The following KCNB2 variants were observed in gnomAD, a reference collection of about 807,000 sequenced individuals.
KCNB2 encodes the protein potassium voltage-gated channel subfamily B member 2.
A neutral mutation model predicts 61.5 loss-of-function variants in KCNB2; 15 were observed. The observed-to-expected ratio is 0.24, with a 90% confidence interval of 0.16 to 0.38. The LOEUF (loss-of-function observed/expected upper bound fraction) is 0.38, where lower values mean the gene tolerates loss of function less well. Ranked by LOEUF, KCNB2 falls within the 10% of genes least tolerant of loss-of-function variation. The probability of loss-of-function intolerance (pLI) is 1.00; values close to 1 mark genes in which losing one functional copy is unlikely to be tolerated. For synonymous variants in KCNB2, 457 were observed against 446.0 expected (o/e 1.02, Z -0.31); for missense variants, 828 against 1,125.2 (o/e 0.74, Z 3.78).
chr8:72,873,653 G>A (rs77997251), intron 2 of KCNB2, among the ~76,000 whole-genome samples: 3,143 of 152,342 alleles, frequency 0.021, 113 homozygotes, highest in African/African-American at 0.071. Flanking sequence ...TGGCAAGAGA[G>A]TAAGACATAC....
rs76909403 is a variant in KCNB2, at chr8:72,795,301, T to C, written c.580-140634T>C. On this transcript the variant is annotated intron_variant, in intron 2 of 2. Coordinates refer to ENST00000523207, the MANE Select transcript of KCNB2 (RefSeq NM_004770.3). The stretch of plus-strand genomic sequence containing the variant: ...TTCCACTGGACCTAGAGTTGATATG[T>C]AAGATACAACAGTTGTGGGCTAGGC... 4.1e-4 allele frequency among the ~76,000 whole-genome samples: 62 copies of C among 152,332 alleles called. 1 individual carries two copies. In the East Asian group the frequency reaches 0.011, roughly 27 times the overall value.
At chr8:72,755,413 G>A (rs1466899060) in intron 2 of KCNB2, among the ~76,000 whole-genome samples, 6 of 152,170 alleles carry the variant, frequency 3.9e-5, no homozygotes, top group Admixed American at 1.3e-4. Context: ...TAATCACAGG[G>A]GAAACTGAAG....
chr8:72,890,562 TCAC>T (rs1458294283), intron 2 of KCNB2, among the ~76,000 whole-genome samples: 3 of 152,180 alleles, frequency 2.0e-5, no homozygotes, highest in Non-Finnish European at 4.4e-5. Context: ...TTCCCAGTGG[TCAC>T]CACAAGAACC....
intron 2 of KCNB2, among the ~76,000 whole-genome samples, chr8:72,807,162 G>T (rs981330333): frequency 1.3e-4 from 20 of 152,228 alleles, no homozygotes; most frequent in Admixed American, 6.5e-5. Flanking sequence ...CACATTAACA[G>T]CCAGTGGAAG....
At position 72,936,673 on chromosome 8, in the gene KCNB2, C is replaced by T. The variant is rs146080562; in HGVS notation, c.1318C>T (p.Leu440Phe). Residue 440 changes from leucine (L) to phenylalanine (F), a missense_variant, in exon 3 of 3, where the codon CTT becomes TTT. Physicochemically the swap from Leu to Phe is conservative, Grantham distance 22 (BLOSUM62 0). Transcript: ENST00000523207. This position sits in a 1 kb window ranked among gnomAD's most constrained non-coding sequence, Gnocchi z 5.6. ...GAAAGCAATTAAAAGGAGGGAGGCT[C>T]TTGAGCGGGCCAAAAGGAACGGAAG... is the stretch of plus-strand genomic sequence containing the variant. ...QEKAIKRREA[L>F]ERAKRNGSIV... 5.6e-6 allele frequency: 9 copies of T among 1,614,162 alleles called. No homozygotes were observed. Among genetic ancestry groups the T allele is most frequent in the Non-Finnish European group, 7.6e-6 (9 of 1,180,018 alleles).
chr8:72,923,478 T>C (rs13263397), intron 2 of KCNB2, among the ~76,000 whole-genome samples: 62,059 of 151,956 alleles, frequency 0.41, 13,101 homozygotes, highest in African/African-American at 0.46. Context: ...CTTAAGGTCT[T>C]TGCTTTAATG....
At chr8:72,831,709 G>A (rs1402581549) in intron 2 of KCNB2, among the ~76,000 whole-genome samples, 2 of 152,120 alleles carry the variant, frequency 1.3e-5, no homozygotes, top group East Asian at 3.8e-4. Context: ...ACCAATTTTT[G>A]GTCCCAACTA....
chr8:72,608,217 G>A (rs934780148), intron 2 of KCNB2, among the ~76,000 whole-genome samples: 1 of 152,150 alleles, frequency 6.6e-6, no homozygotes, highest in African/African-American at 2.4e-5. Context: ...TGGCAGATAT[G>A]GCAGATGGGG....
intron 2 of KCNB2, among the ~76,000 whole-genome samples, chr8:72,901,375 G>C (rs1196811486): frequency 6.6e-6 from 1 of 152,162 alleles, no homozygotes; most frequent in Non-Finnish European, 1.5e-5. Context: ...CCAGGCAGTA[G>C]TCAATATGTA....
intron 2 of KCNB2, among the ~76,000 whole-genome samples, chr8:72,683,615 G>C (rs1433005312): frequency 6.6e-6 from 1 of 152,154 alleles, no homozygotes; most frequent in Non-Finnish European, 1.5e-5. Context: ...CCCATCACTT[G>C]GTCAGGGAGA....
intron 2 of KCNB2, among the ~76,000 whole-genome samples, chr8:72,739,750 A>C (rs1031794346): frequency 6.6e-6 from 1 of 152,156 alleles, no homozygotes; most frequent in Non-Finnish European, 1.5e-5. Context: ...TGTCCTGTAG[A>C]TCAAAGGAAG....
Position 72,936,663 on chromosome 8 carries a change from G to A in KCNB2, c.1308G>A (p.Arg436=), listed in dbSNP as rs1286233810. The A allele has an allele frequency of 3.1e-6, 5 of 1,614,186 alleles. No homozygotes were observed. The highest frequency in any genetic ancestry group is 4.2e-6 in the Non-Finnish European group (5 of 1,180,030). The change falls in exon 3 of 3, where the codon AGG becomes AGA. Residue 436 remains arginine (R), a synonymous_variant. Transcript: ENST00000523207. The surrounding 1 kb of genome is among the most constrained non-coding windows in gnomAD (Gnocchi z 5.6). The part of the protein sequence containing the change: ...EQKRQEKAIK[R]REALERAKRN... Reference sequence around the variant, plus strand: ...AACGCCAAGAGAAAGCAATTAAAAGGAGGGAGGCTCTTGAGCGGGCCAAAA... The same window carrying A: ...AACGCCAAGAGAAAGCAATTAAAAGAAGGGAGGCTCTTGAGCGGGCCAAAA...
At chr8:72,561,691 T>C (rs1470867955) in intron 1 of KCNB2, among the ~76,000 whole-genome samples, 2 of 19,406 alleles carry the variant, frequency 1.0e-4, no homozygotes, top group Non-Finnish European at 1.7e-4. Context: ...GATCTTACTT[T>C]TATATATATA....
At chr8:72,611,907 G>T (rs1025136306) in intron 2 of KCNB2, among the ~76,000 whole-genome samples, 4 of 151,932 alleles carry the variant, frequency 2.6e-5, no homozygotes, top group African/African-American at 9.7e-5. Flanking sequence ...TTTGTGACAA[G>T]GACTAAATAA....
Position 72,872,047 on chromosome 8 carries a change from G to A in KCNB2, c.580-63888G>A, listed in dbSNP as rs191630349. On this transcript the variant is annotated intron_variant, in intron 2 of 2. Transcript: ENST00000523207. ...TCTTCATGCTCTTTTCTCAGCCTTA[G>A]AGAGTGGCCCTTCCATGTCCAAGAA... Among the ~76,000 whole-genome samples, 400 of 152,298 alleles carry A rather than the reference G, an allele frequency of 2.6e-3. 4 individuals carry two copies. Among genetic ancestry groups the A allele is most frequent in the African/African-American group, 9.0e-3 (376 of 41,574 alleles).
At chr8:72,647,989 G>C (rs187151939) in intron 2 of KCNB2, among the ~76,000 whole-genome samples, 25 of 152,228 alleles carry the variant, frequency 1.6e-4, no homozygotes, top group African/African-American at 6.0e-4. Flanking sequence ...AAGAAAGAGT[G>C]GTCAGGGGCC....
At chr8:72,745,506 C>T (rs952097347) in intron 2 of KCNB2, among the ~76,000 whole-genome samples, 1 of 152,056 alleles carries the variant, frequency 6.6e-6, no homozygotes, top group African/African-American at 2.4e-5. Context: ...TATAGTCTTA[C>T]TGAAAAAAAT....
intron 2 of KCNB2, among the ~76,000 whole-genome samples, chr8:72,874,611 A>G (rs1330150948): frequency 6.6e-6 from 1 of 152,346 alleles, no homozygotes; most frequent in South Asian, 2.1e-4. Context: ...AAGGCAGAGC[A>G]GCAAAATAAC....
At chr8:72,758,823 T>C (rs1360793967) in intron 2 of KCNB2, among the ~76,000 whole-genome samples, 3 of 152,156 alleles carry the variant, frequency 2.0e-5, no homozygotes, top group Admixed American at 2.0e-4. Flanking sequence ...AGAAAGAACA[T>C]TGGTTATTTC....
Sources: gnomAD v4.1 joint callset for allele counts (sites outside exome capture counted in the v4.1 genomes callset) on GRCh38, gnomAD v4.1.1 for gene constraint, Gnocchi (gnomAD v3.1) non-coding constraint, MANE v1.5 for transcripts, NCBI Gene and HGNC (gene_info 2026-07-23, HGNC 2026-07-21) for gene names.